The following SLC35F3 variants were observed in gnomAD, a reference collection of about 807,000 sequenced individuals.
SLC35F3 encodes the protein putative thiamine transporter SLC35F3.
In SLC35F3, 25 loss-of-function variants were observed where a neutral mutation model predicts 49.9. The observed-to-expected ratio is 0.50, with a 90% confidence interval of 0.37 to 0.70. The LOEUF (loss-of-function observed/expected upper bound fraction) is 0.70, where lower values mean the gene tolerates loss of function less well. Ranked by LOEUF, SLC35F3 falls within the 30% of genes least tolerant of loss-of-function variation. The probability of loss-of-function intolerance (pLI) is 0.00; values close to 1 mark genes in which losing one functional copy is unlikely to be tolerated. For synonymous variants in SLC35F3, 275 were observed against 265.4 expected (o/e 1.04, Z -0.35); for missense variants, 525 against 639.8 (o/e 0.82, Z 1.94).
chr1:233,937,498 G>T (rs943508082), intron 2 of SLC35F3, among the ~76,000 whole-genome samples: 1 of 152,178 alleles, frequency 6.6e-6, no homozygotes, highest in South Asian at 2.1e-4. Flanking sequence ...GTTTATGCTT[G>T]CCCAAAATAA....
At chr1:233,929,213 T>A (rs1571983700) in intron 2 of SLC35F3, among the ~76,000 whole-genome samples, 1 of 152,184 alleles carries the variant, frequency 6.6e-6, no homozygotes, top group Non-Finnish European at 1.5e-5. Flanking sequence ...CACACCTGAA[T>A]TCTAGTTTTG....
chr1:234,017,662 C>T (rs12043038), intron 2 of SLC35F3, among the ~76,000 whole-genome samples: 6,229 of 141,590 alleles, frequency 0.044, 262 homozygotes, highest in East Asian at 0.16. Flanking sequence ...TGCAGTGAGC[C>T]GAGATCGCAC....
intron 2 of SLC35F3, among the ~76,000 whole-genome samples, chr1:234,028,216 A>G (rs556641650): frequency 1.3e-5 from 2 of 152,312 alleles, no homozygotes; most frequent in East Asian, 1.9e-4. Flanking sequence ...CTCTGTTTGC[A>G]CTGGCTGTGC....
rs537979647 is a variant in SLC35F3 at position 233,941,273 on chromosome 1, A to G, written c.283+35515A>G. On this transcript the variant is annotated intron_variant, in intron 2 of 7. Coordinates refer to ENST00000366618, the MANE Select transcript of SLC35F3 (RefSeq NM_173508.4). ...ATTAAGACCCTTTTCTAGATACCCA[A>G]TTTCTCTGAGCTGATTTAACCTTGC... 1.2e-4 allele frequency among the ~76,000 whole-genome samples: 18 copies of G among 152,258 alleles called. No individual in the cohort carries two copies. The East Asian group carries it at 3.5e-3, about 29-fold the overall frequency.
In SLC35F3 at chr1:234,058,328, A is replaced by ATTTTTTTTTTTTTTTTTTTTTTTT. The variant is rs56960667; in HGVS notation, c.283+152577_283+152600dup. Among the ~76,000 whole-genome samples the ATTTTTTTTTTTTTTTTTTTTTTTT allele has an allele frequency of 7.5e-5, 3 of 39,792 alleles. 1 individual carries two copies. The highest frequency in any genetic ancestry group is 4.1e-4 in the African/African-American group (3 of 7,278). 26.1% of individuals were successfully genotyped at this position (39,792 alleles called of 152,430 possible). ...TAATTGTCTTTATAAATGTTCCTGA[A>ATTTTTTTTTTTTTTTTTTTTTTTT]TTTTTTTTTTTTTTTTTTTTTTTTT... On this transcript the variant is annotated intron_variant, in intron 2 of 7. Coordinates refer to ENST00000366618, the MANE Select transcript of SLC35F3 (RefSeq NM_173508.4).
chr1:234,089,948 A>G (rs1250057755), intron 2 of SLC35F3, among the ~76,000 whole-genome samples: 1 of 152,278 alleles, frequency 6.6e-6, no homozygotes, highest in Non-Finnish European at 1.5e-5. Flanking sequence ...CTTTGAAACC[A>G]GGAGAATTCC....
chr1:234,032,370 T>TA (rs957793429), intron 2 of SLC35F3, among the ~76,000 whole-genome samples: 26 of 151,482 alleles, frequency 1.7e-4, no homozygotes, highest in African/African-American at 3.9e-4. Context: ...TTTTTTCTTT[T>TA]AAAAAAAAAT....
At chr1:234,196,986 T>C (rs1186820204) in intron 2 of SLC35F3, among the ~76,000 whole-genome samples, 1 of 152,136 alleles carries the variant, frequency 6.6e-6, no homozygotes, top group African/African-American at 2.4e-5. Flanking sequence ...TGGACATTAG[T>C]TAAGGCAGTA....
intron 2 of SLC35F3, among the ~76,000 whole-genome samples, chr1:234,161,370 A>AAT (rs1666224943): frequency 1.3e-5 from 2 of 151,896 alleles, no homozygotes; most frequent in Non-Finnish European, 2.9e-5. Context: ...CTTTCTGCAG[A>AAT]GGTTGATGCT....
At chr1:233,919,633 C>T (rs1316857603) in intron 2 of SLC35F3, among the ~76,000 whole-genome samples, 1 of 152,158 alleles carries the variant, frequency 6.6e-6, no homozygotes, top group Non-Finnish European at 1.5e-5. Context: ...ACTCATTGGC[C>T]TGTAGTGCAG....
intron 2 of SLC35F3, among the ~76,000 whole-genome samples, chr1:234,137,570 A>G (rs1665829907): frequency 6.6e-6 from 1 of 152,178 alleles, no homozygotes; most frequent in South Asian, 2.1e-4. Flanking sequence ...CTTTGAATGA[A>G]AGGAAAGAGA....
intron 2 of SLC35F3, among the ~76,000 whole-genome samples, chr1:234,156,986 AC>A (rs1453064454): frequency 3.5e-4 from 54 of 152,276 alleles, no homozygotes; most frequent in African/African-American, 1.3e-3. Context: ...GTGAATGCTA[AC>A]GGGTACAGAG....
intron 2 of SLC35F3, among the ~76,000 whole-genome samples, chr1:234,130,491 T>A (rs78868826): frequency 2.9e-5 from 3 of 102,364 alleles, no homozygotes; most frequent in Admixed American, 2.6e-4. Context: ...AAAAAAAAAT[T>A]AGCCAGGCGT....
chr1:234,169,667 G>T (rs1039567677), intron 2 of SLC35F3, among the ~76,000 whole-genome samples: 3 of 152,210 alleles, frequency 2.0e-5, no homozygotes, highest in Non-Finnish European at 1.5e-5. Context: ...AGGCTTAGAG[G>T]CTGCTTTCCT....
At chr1:234,195,705 T>C (rs561012771) in intron 2 of SLC35F3, among the ~76,000 whole-genome samples, 5 of 152,278 alleles carry the variant, frequency 3.3e-5, no homozygotes, top group Non-Finnish European at 7.3e-5. Flanking sequence ...ATGGTTTGGC[T>C]GCATCCTCAC....
Position 233,914,555 on chromosome 1 carries a change from A to G in SLC35F3, c.283+8797A>G, listed in dbSNP as rs374028391. 1.5e-3 allele frequency among the ~76,000 whole-genome samples: 222 copies of G among 152,334 alleles called. 2 individuals carry two copies. Among genetic ancestry groups the G allele is most frequent in the African/African-American group, 5.1e-3 (213 of 41,572 alleles). On this transcript the variant is annotated intron_variant, in intron 2 of 7. Coordinates refer to ENST00000366618, the MANE Select transcript of SLC35F3 (RefSeq NM_173508.4). The stretch of plus-strand genomic sequence containing the variant: ...TGGATAGGATTTCAGAGCCATTTCC[A>G]TTCAAGCTCGTGCATGACAAAATAA...
intron 2 of SLC35F3, among the ~76,000 whole-genome samples, chr1:234,211,014 C>T (rs991428897): frequency 2.2e-4 from 33 of 152,234 alleles, no homozygotes; most frequent in African/African-American, 8.0e-4. Flanking sequence ...GGACTTTGTG[C>T]CCTGCATCCG....
rs149225425 is a variant in SLC35F3, at chr1:233,998,672, G to A, written c.283+92914G>A. Among the ~76,000 whole-genome samples, 167 of 152,006 alleles carry A rather than the reference G, an allele frequency of 1.1e-3. 1 individual carries two copies. Among genetic ancestry groups the A allele is most frequent in the African/African-American group, 3.7e-3 (155 of 41,456 alleles). On this transcript the variant is annotated intron_variant, in intron 2 of 7. Coordinates refer to ENST00000366618, the MANE Select transcript of SLC35F3 (RefSeq NM_173508.4). ...CACTAGTCACATGGGACTGCTAAGCGCCTAGAATGTGGCTAGTCTTATTAA... is the reference window on the plus strand; with the variant it reads ...CACTAGTCACATGGGACTGCTAAGCACCTAGAATGTGGCTAGTCTTATTAA...
At chr1:234,164,077 GCT>G (rs895892757) in intron 2 of SLC35F3, among the ~76,000 whole-genome samples, 3 of 151,588 alleles carry the variant, frequency 2.0e-5, no homozygotes, top group African/African-American at 4.9e-5. Flanking sequence ...TGTAGAAATA[GCT>G]CTGTCTCTCT....
Sources: allele counts gnomAD v4.1 joint callset (sites outside exome capture counted in the v4.1 genomes callset), GRCh38; gene constraint gnomAD v4.1.1; transcripts MANE v1.5; gene names NCBI Gene and HGNC (gene_info 2026-07-23, HGNC 2026-07-21).